Variants in HHAT observed in about 807,000 individuals in gnomAD.
The protein encoded by HHAT is hedgehog acyltransferase.
In HHAT, 47 loss-of-function variants were observed where a neutral mutation model predicts 70.8. The observed-to-expected ratio is 0.66, with a 90% confidence interval of 0.53 to 0.85. The LOEUF is 0.85. Ranked by LOEUF, HHAT falls within the 40% of genes least tolerant of loss-of-function variation. The pLI is 0.00. For missense variants in HHAT, 609 were observed against 604.8 expected (o/e 1.01, Z -0.07); for synonymous variants, 228 against 247.6 (o/e 0.92, Z 0.74).
intron 9 of HHAT, among the ~76,000 whole-genome samples, chr1:210,558,223 A>G (rs2095590335): frequency 6.6e-6 from 1 of 152,216 alleles, no homozygotes; most frequent in East Asian, 1.9e-4. Context: ...ATAAAAAGCC[A>G]AGTGAATAGA....
At chr1:210,449,584 A>G (rs1345830559) in intron 7 of HHAT, among the ~76,000 whole-genome samples, 2 of 152,166 alleles carry the variant, frequency 1.3e-5, no homozygotes, top group East Asian at 3.9e-4. Flanking sequence ...CTGAGTCCTC[A>G]GGTTTAGAGG....
At chr1:210,455,055 G>A (rs2093834473) in intron 7 of HHAT, among the ~76,000 whole-genome samples, 1 of 152,196 alleles carries the variant, frequency 6.6e-6, no homozygotes. Context: ...AGGGGAGGCT[G>A]ATGGGAGGCC....
chr1:210,356,968 T>C (rs2087698345), intron 2 of HHAT, among the ~76,000 whole-genome samples: 1 of 152,222 alleles, frequency 6.6e-6, no homozygotes, highest in Non-Finnish European at 1.5e-5. Flanking sequence ...CAATTGAACT[T>C]CTCCTGTAGG....
At chr1:210,391,553 A>C (rs936043833) in intron 4 of HHAT, among the ~76,000 whole-genome samples, 5 of 152,246 alleles carry the variant, frequency 3.3e-5, no homozygotes, top group African/African-American at 1.2e-4. Context: ...TTTCATAAAA[A>C]AGACAAAATC....
chr1:210,671,287 C>T (rs555555121), intron 11 of HHAT, among the ~76,000 whole-genome samples: 123 of 152,284 alleles, frequency 8.1e-4, no homozygotes, highest in Non-Finnish European at 1.5e-3. Flanking sequence ...GTCCAAAGCC[C>T]GCTCCCCTCA....
chr1:210,524,163 TGTACAGCGTG>T (rs1485770463), intron 9 of HHAT, among the ~76,000 whole-genome samples: 2 of 152,242 alleles, frequency 1.3e-5, no homozygotes, highest in Non-Finnish European at 2.9e-5. Flanking sequence ...GGAGATCCAC[TGTACAGCGTG>T]TGCCTGTAGT....
At chr1:210,609,789 T>G (rs1014520846) in intron 10 of HHAT, among the ~76,000 whole-genome samples, 2 of 152,212 alleles carry the variant, frequency 1.3e-5, no homozygotes, top group Non-Finnish European at 2.9e-5. Context: ...TGCATTAGTT[T>G]GCTGAGGATA....
chr1:210,557,300 CA>C lies in HHAT; in HGVS notation c.1044-30595del, dbSNP rs2095581581. 2.6e-5 allele frequency among the ~76,000 whole-genome samples: 4 copies of C among 152,196 alleles called. No homozygotes were observed. The South Asian group carries it at 8.3e-4, about 31-fold the overall frequency. On this transcript the variant is annotated intron_variant, in intron 9 of 11. Transcript: ENST00000261458. ...CCATAATAAATGCCCCCATGAACCT[CA>C]AAGTGTCCTTGGAAGGCAGATGAGT...
chr1:210,405,898 T>C (rs1374131753), intron 6 of HHAT, among the ~76,000 whole-genome samples: 1 of 152,188 alleles, frequency 6.6e-6, no homozygotes, highest in Non-Finnish European at 1.5e-5. Context: ...AAAATTATTG[T>C]GTAAAAGAGA....
chr1:210,496,771 C>T (rs148889122), intron 8 of HHAT, among the ~76,000 whole-genome samples: 3 of 152,332 alleles, frequency 2.0e-5, no homozygotes, highest in African/African-American at 7.2e-5. Context: ...TGAATATGAA[C>T]ACCAGTGACT....
At chr1:210,573,916 G>A (rs184285742) in intron 9 of HHAT, among the ~76,000 whole-genome samples, 39 of 152,262 alleles carry the variant, frequency 2.6e-4, no homozygotes, top group African/African-American at 7.7e-4. Context: ...GATGAACCAG[G>A]GAAATGAGAG....
intron 3 of HHAT, among the ~76,000 whole-genome samples, chr1:210,387,169 C>A (rs1364215145): frequency 6.6e-6 from 1 of 152,030 alleles, no homozygotes; most frequent in East Asian, 1.9e-4. Context: ...TACAGAGGGC[C>A]CTGGGAGATC....
chr1:210,544,367 G>A (rs1481900566), intron 9 of HHAT, among the ~76,000 whole-genome samples: 4 of 90,064 alleles, frequency 4.4e-5, no homozygotes, highest in East Asian at 3.5e-4. Context: ...TCTTTCTTTC[G>A]TTTTTTTTTT....
intron 9 of HHAT, among the ~76,000 whole-genome samples, chr1:210,542,654 G>T (rs2095442778): frequency 6.6e-6 from 1 of 151,650 alleles, no homozygotes; most frequent in South Asian, 2.1e-4. Context: ...TAAAATATTA[G>T]CCAGTCATGG....
At chr1:210,441,796 A>G (rs2093515318) in intron 7 of HHAT, among the ~76,000 whole-genome samples, 1 of 152,080 alleles carries the variant, frequency 6.6e-6, no homozygotes, top group Non-Finnish European at 1.5e-5. Context: ...ACAGATATAC[A>G]CGTAAACATG....
Position 210,574,775 on chromosome 1 carries a change from C to T in HHAT, c.1044-13123C>T, listed in dbSNP as rs530371459. On this transcript the variant is annotated intron_variant, in intron 9 of 11. Transcript: ENST00000261458. ...AACCCAGATGAGGGATGAAATGCTT[C>T]GGGAACCAGCTAGGCATTTCTTTAT... Among the ~76,000 whole-genome samples the T allele has an allele frequency of 1.1e-4, 17 of 152,318 alleles. No homozygotes were observed. The South Asian group carries it at 2.3e-3, about 20-fold the overall frequency.
intron 7 of HHAT, among the ~76,000 whole-genome samples, chr1:210,434,047 A>G (rs532629000): frequency 5.3e-5 from 8 of 152,142 alleles, no homozygotes; most frequent in Admixed American, 1.3e-4. Flanking sequence ...AGGGCTATCA[A>G]TGAATCAGAA....
chr1:210,563,967 G>A (rs964581631), intron 9 of HHAT, among the ~76,000 whole-genome samples: 2 of 152,012 alleles, frequency 1.3e-5, no homozygotes, highest in African/African-American at 4.8e-5. Context: ...TTGTTTGTTT[G>A]TTTTGAGATG....
chr1:210,523,168 C>T (rs550780440), intron 9 of HHAT, among the ~76,000 whole-genome samples: 2 of 152,100 alleles, frequency 1.3e-5, no homozygotes, highest in African/African-American at 4.8e-5. Context: ...TTATACAACC[C>T]CGTGTCCTGG....
Sources: allele counts gnomAD v4.1 joint callset (sites outside exome capture counted in the v4.1 genomes callset), GRCh38; gene constraint gnomAD v4.1.1; transcripts MANE v1.5; gene names NCBI Gene and HGNC (gene_info 2026-07-23, HGNC 2026-07-21).